DUSP5: variants seen among roughly 807,000 people sequenced by gnomAD.
DUSP5 encodes dual specificity phosphatase 5.
Under a neutral mutation model 33.6 loss-of-function variants are expected in DUSP5, and 22 were observed. The observed-to-expected ratio is 0.66, with a 90% CI of 0.47 to 0.94. The LOEUF (loss-of-function observed/expected upper bound fraction) is 0.94, where lower values mean the gene tolerates loss of function less well. Ranked by LOEUF, DUSP5 falls within the 40% of genes least tolerant of loss-of-function variation. The probability of loss-of-function intolerance (pLI) is 0.00; values close to 1 mark genes in which losing one functional copy is unlikely to be tolerated. For synonymous variants in DUSP5, 270 were observed against 231.1 expected (o/e 1.17, Z -1.53); for missense variants, 551 against 522.1 (o/e 1.06, Z -0.54).
In DUSP5 at chr10:110,502,776, C is replaced by T; in HGVS notation, c.435C>T (p.Pro145=). The stretch of plus-strand genomic sequence containing the variant: ...CTGAGTGTTGCGTGGATGTAAAACC[C>T]ATTTCACAAGAGAAGATTGAGAGTG... ...EYPECCVDVK[P]ISQEKIESER... Residue 145 remains proline, a synonymous_variant, in exon 2 of 4, where the codon CCC becomes CCT. Transcript: ENST00000369583. 1.2e-6 allele frequency: 2 copies of T among 1,614,116 alleles called. No individual in the cohort carries two copies. The highest frequency in any genetic ancestry group is 8.5e-7 in the Non-Finnish European group (1 of 1,180,030).
rs1860189198 is a variant in DUSP5, at chr10:110,511,237, C to G, written c.*811C>G. On this transcript the variant is annotated 3_prime_UTR_variant, in exon 4 of 4. Transcript: ENST00000369583. ...AGGAGAAGGGTACTTGCTAGGTATC[C>G]TGGGTCAGTGGCGGTGCAAACTGGT... The G allele has an allele frequency of 6.6e-6, 1 of 152,554 alleles. No homozygotes were observed. The highest frequency in any genetic ancestry group is 6.5e-5 in the Admixed American group (1 of 15,278). 9.5% of individuals were successfully genotyped at this position (152,554 alleles called of 1,614,324 possible). A position where few individuals can be genotyped will look rare whatever the true frequency, so the allele number is the denominator to read the frequency against.
In DUSP5 at chr10:110,498,308, C is replaced by A. The variant is rs762208561; in HGVS notation, c.187C>A (p.Arg63Ser). 7.0e-7 allele frequency: 1 copy of A among 1,428,248 alleles called. No homozygotes were observed. Among genetic ancestry groups the A allele is most frequent in the South Asian group, 1.5e-5 (1 of 66,400 alleles). The allele number at this position is 1,428,248 out of a possible 1,614,324, so 88.5% of individuals were successfully genotyped here. Residue 63 changes from arginine to serine, a missense_variant, in exon 1 of 4, where the codon CGC becomes AGC. Physicochemically the swap from Arg to Ser is moderately radical, Grantham distance 110. Coordinates refer to ENST00000369583, the MANE Select transcript of DUSP5 (RefSeq NM_004419.4). ...GGCCCGGGGCGGCGCGGTGTCGGCG[C>A]GCTACGTGCTGCCCGACGAGGCGGC... is the stretch of plus-strand genomic sequence containing the variant. The part of the protein sequence containing the change: ...RRARGGAVSA[R>S]YVLPDEAARA...
Position 110,510,120 on chromosome 10 carries a change from G to C in DUSP5, c.849G>C (p.Gln283His). Residue 283 changes from glutamine to histidine, a missense_variant, in exon 4 of 4, where the codon CAG (glutamine) becomes CAC (histidine). Transcript: ENST00000369583. ...TGGCTTACCTTATGAAGACCAAGCA[G>C]TTCCGCCTGAAGGAGGCCTTCGATT... ...ICMAYLMKTK[Q>H]FRLKEAFDYI... The C allele has an allele frequency of 6.2e-7, 1 of 1,614,206 alleles. No individual in the cohort carries two copies. The highest frequency in any genetic ancestry group is 1.6e-4 in the Middle Eastern group (1 of 6,062).
At position 110,498,079 on chromosome 10, in the gene DUSP5, C is replaced by G; in HGVS notation, c.-43C>G. 1 of 1,155,556 alleles carries G rather than the reference C, an allele frequency of 8.7e-7. No individual in the cohort carries two copies. Among genetic ancestry groups the G allele is most frequent in the Non-Finnish European group, 1.1e-6 (1 of 945,850 alleles). The allele number at this position is 1,155,556 out of a possible 1,614,324, so 71.6% of individuals were successfully genotyped here. A position where few individuals can be genotyped will look rare whatever the true frequency, so the allele number is the denominator to read the frequency against. ...TGGACACCCTGGCCGTGGGCACCCG[C>G]GGGGCGCGCGGCGCGGGGCCGCTGG... On this transcript the variant is annotated 5_prime_UTR_variant, in exon 1 of 4. Coordinates refer to ENST00000369583, the MANE Select transcript of DUSP5 (RefSeq NM_004419.4).
At chr10:110,502,609 A>C (rs1348397129) in intron 1 of DUSP5, 112 bp from the exon 2 acceptor site, 4 of 1,320,468 alleles carry the variant, frequency 3.0e-6, no homozygotes, top group Non-Finnish European at 4.1e-6. Flanking sequence ...GTACTGGCTT[A>C]TTTTTTTTCT....
chr10:110,498,636 C>T (rs943959740), intron 1 of DUSP5, 136 bp downstream of exon 1: 5 of 1,259,626 alleles, frequency 4.0e-6, no homozygotes, highest in Admixed American at 4.2e-5. Flanking sequence ...GCTTGTTGTG[C>T]GCTTGGGAGG....
intron 1 of DUSP5, among the ~76,000 whole-genome samples, chr10:110,502,432 G>A (rs1860065154): frequency 6.6e-6 from 1 of 152,220 alleles, no homozygotes; most frequent in South Asian, 2.1e-4. Context: ...GTTAGTATTT[G>A]CCAGATGCTA....
At chr10:110,502,237 G>A (rs373217804) in intron 1 of DUSP5, among the ~76,000 whole-genome samples, 8 of 152,166 alleles carry the variant, frequency 5.3e-5, no homozygotes, top group South Asian at 2.1e-4. Flanking sequence ...ATGAAACCTC[G>A]TATCAGCCCC....
chr10:110,500,546 T>C (rs1029169), intron 1 of DUSP5, among the ~76,000 whole-genome samples: 151,787 of 152,344 alleles, frequency 1, 75,620 homozygotes, highest in Middle Eastern at 1. Flanking sequence ...CAGATCTTGG[T>C]GGGGGCAATG....
chr10:110,499,517 T>C (rs1024009131), intron 1 of DUSP5, among the ~76,000 whole-genome samples: 1 of 137,564 alleles, frequency 7.3e-6, no homozygotes, highest in African/African-American at 2.6e-5. Flanking sequence ...GTAACAGTGT[T>C]GGGGATCAGA....
chr10:110,504,506 G>A (rs1860095401), intron 2 of DUSP5, among the ~76,000 whole-genome samples: 1 of 152,186 alleles, frequency 6.6e-6, no homozygotes, highest in Admixed American at 6.5e-5. Context: ...GAGAGGAAGA[G>A]ATCTTGAGTC....
chr10:110,508,827 AC>A (rs1444684990), intron 3 of DUSP5, among the ~76,000 whole-genome samples: 1 of 152,304 alleles, frequency 6.6e-6, no homozygotes. Context: ...ATTGGAGGAC[AC>A]CCCTATTGAA....
Position 110,507,021 on chromosome 10 carries a change from C to G in DUSP5, c.615C>G (p.Ile205Met), listed in dbSNP as rs748686961. 6.2e-7 allele frequency: 1 copy of G among 1,614,166 alleles called. No homozygotes were observed. The highest frequency in any genetic ancestry group is 1.3e-5 in the African/African-American group (1 of 74,954). ...SKCEFLANLH[I>M]TALLNVSRRT... Reference sequence around the variant, plus strand: ...GCGAGTTCCTCGCCAACCTGCACATCACAGCCCTGCTGAATGTCTCCCGAC... The same window carrying G: ...GCGAGTTCCTCGCCAACCTGCACATGACAGCCCTGCTGAATGTCTCCCGAC... The change falls in exon 3 of 4, where the codon ATC becomes ATG. Residue 205 changes from isoleucine to methionine, a missense_variant. Ile to Met is a conservative substitution (Grantham distance 10, BLOSUM62 1). Transcript: ENST00000369583.
At position 110,501,780 on chromosome 10, in the gene DUSP5, G is replaced by T. The variant is rs57238759; in HGVS notation, c.380-941G>T. ...CACCTGGCAGCCCTTGGCATTCTGA[G>T]GGTTCCAAGGCCACCTTTTCATTCG... On this transcript the variant is annotated intron_variant, in intron 1 of 3. Coordinates refer to ENST00000369583, the MANE Select transcript of DUSP5 (RefSeq NM_004419.4). 9.9e-3 allele frequency among the ~76,000 whole-genome samples: 1,514 copies of T among 152,280 alleles called. 20 individuals are homozygous for T. The highest frequency in any genetic ancestry group is 0.045 in the Admixed American group (685 of 15,294).
intron 2 of DUSP5, among the ~76,000 whole-genome samples, chr10:110,506,683 T>A (rs925980898): frequency 2.0e-5 from 3 of 152,154 alleles, no homozygotes; most frequent in Non-Finnish European, 4.4e-5. Context: ...CCTGGATATG[T>A]GCAAAAAAGT....
intron 2 of DUSP5, among the ~76,000 whole-genome samples, chr10:110,505,991 C>T (rs1860113912): frequency 6.6e-6 from 1 of 152,102 alleles, no homozygotes; most frequent in Non-Finnish European, 1.5e-5. Context: ...TGTGGCCTGA[C>T]AACATTTTTT....
chr10:110,498,442 C>T lies in DUSP5; in HGVS notation c.321C>T (p.Val107=), dbSNP rs527596389. The T allele has an allele frequency of 2.5e-5, 38 of 1,540,374 alleles. No homozygotes were observed. The highest frequency in any genetic ancestry group is 3.2e-5 in the Non-Finnish European group (37 of 1,152,460). The change falls in exon 1 of 4, where the codon GTC becomes GTT. Residue 107 remains valine, a synonymous_variant. Coordinates refer to ENST00000369583, the MANE Select transcript of DUSP5 (RefSeq NM_004419.4). ...QKLREESAAR[V]VLTSLLACLP... ...TGCGAGAGGAGAGCGCCGCGCGTGT[C>T]GTCCTCACCTCGCTACTCGCTTGCC...
rs757339085 is a variant in DUSP5, at chr10:110,498,141, A to G, written c.20A>G (p.Asp7Gly). 1.2e-5 allele frequency: 17 copies of G among 1,447,584 alleles called. No homozygotes were observed. Among genetic ancestry groups the G allele is most frequent in the African/African-American group, 1.5e-5 (1 of 67,566 alleles). The allele number at this position is 1,447,584 out of a possible 1,614,324, so 89.7% of individuals were successfully genotyped here. The change falls in exon 1 of 4, where the codon GAC (aspartate) becomes GGC (glycine). Residue 7 changes from aspartate to glycine, a missense_variant. Around this residue, in one of 3 missense-constraint regions of DUSP5, gnomAD observed 381 missense variants for 310.4 expected, o/e 1.23. Transcript: ENST00000369583. ...GGCGGCATGAAGGTCACGTCGCTCGACGGGCGCCAGCTGCGCAAGATGCTC... is the reference window on the plus strand; with the variant it reads ...GGCGGCATGAAGGTCACGTCGCTCGGCGGGCGCCAGCTGCGCAAGATGCTC... MKVTSLDGRQLRKMLRK... is the reference protein window; with the variant it reads MKVTSLGGRQLRKMLRK...
In DUSP5 at chr10:110,511,279, CCTT is replaced by C. The variant is rs1190977857; in HGVS notation, c.*856_*858del. 2.6e-5 allele frequency: 4 copies of C among 152,550 alleles called. No individual in the cohort carries two copies. The highest frequency in any genetic ancestry group is 9.7e-5 in the African/African-American group (4 of 41,408). 9.4% of individuals were successfully genotyped at this position (152,550 alleles called of 1,614,324 possible). A position where few individuals can be genotyped will look rare whatever the true frequency, so the allele number is the denominator to read the frequency against. On this transcript the variant is annotated 3_prime_UTR_variant, in exon 4 of 4. Transcript: ENST00000369583. ...CAAACTGGTTTCCTCAGCTGCCTGT[CCTT>C]CTGTGTGCTTATGTCTCTTGTGACA...
Sources: gnomAD v4.1 joint callset for allele counts (sites outside exome capture counted in the v4.1 genomes callset) on GRCh38, gnomAD v4.1.1 for gene constraint, gnomAD v4.1.1 regional missense constraint, MANE v1.5 for transcripts, NCBI Gene and HGNC (gene_info 2026-07-23, HGNC 2026-07-21) for gene names.